LINGO2: variants seen among roughly 807,000 people sequenced by gnomAD.
The protein encoded by LINGO2 is leucine rich repeat and Ig domain containing 2.
In LINGO2, 14 loss-of-function variants were observed where a neutral mutation model predicts 30.6. That is an observed-to-expected ratio of 0.46 (90% CI 0.30 to 0.72). The LOEUF (loss-of-function observed/expected upper bound fraction) is 0.72. Among genes scored for constraint, LINGO2 ranks in the 30% least tolerant of loss-of-function variants. The probability of loss-of-function intolerance (pLI) is 0.07; values close to 1 mark genes in which losing one functional copy is unlikely to be tolerated. For synonymous variants in LINGO2, 317 were observed against 288.5 expected (o/e 1.10, Z -1.00); for missense variants, 729 against 751.7 (o/e 0.97, Z 0.35).
the LINGO2 span, among the ~76,000 whole-genome samples, chr9:28,944,146 T>A: frequency 6.6e-6 from 1 of 152,180 alleles, no homozygotes; most frequent in Non-Finnish European, 1.5e-5. Context: ...GACAGTTATC[T>A]TTGTCTGTAT....
intron 4 of LINGO2, among the ~76,000 whole-genome samples, chr9:28,198,438 A>G (rs1210787773): frequency 1.3e-5 from 2 of 152,194 alleles, no homozygotes; most frequent in Non-Finnish European, 2.9e-5. Context: ...TGGCAACAGA[A>G]GCCAATTTAC....
chr9:28,408,633 G>A (rs1408199943), intron 2 of LINGO2, among the ~76,000 whole-genome samples: 2 of 145,652 alleles, frequency 1.4e-5, no homozygotes, highest in South Asian at 4.7e-4. Context: ...GGTGGGGGGA[G>A]GGGGAGGGAT....
chr9:28,162,795 T>A (rs1024589069), intron 4 of LINGO2, among the ~76,000 whole-genome samples: 1 of 152,134 alleles, frequency 6.6e-6, no homozygotes, highest in Non-Finnish European at 1.5e-5. Flanking sequence ...TACATGGGAC[T>A]TAACTTGGAC....
intron 1 of LINGO2, among the ~76,000 whole-genome samples, chr9:28,559,498 G>A (rs1406377069): frequency 6.6e-6 from 1 of 152,048 alleles, no homozygotes; most frequent in Non-Finnish European, 1.5e-5. Context: ...CTTGTAGTAT[G>A]CTCTTCCAAC....
At position 28,070,428 on chromosome 9, in the gene LINGO2, C is replaced by T. The variant is rs150485285; in HGVS notation, c.-86-58023G>A. ...AAACCAAAAAACAAATCCCAACACA[C>T]ATAAACATACATGTGCAAATAATCA... is the stretch of plus-strand genomic sequence containing the variant. On this transcript the variant is annotated intron_variant, in intron 4 of 5. Coordinates refer to ENST00000379992, the Ensembl canonical transcript of LINGO2. Among the ~76,000 whole-genome samples the T allele has an allele frequency of 2.2e-3, 333 of 152,276 alleles. 7 individuals carry two copies. The South Asian group carries it at 0.045, about 20-fold the overall frequency.
intron 4 of LINGO2, among the ~76,000 whole-genome samples, chr9:28,291,763 A>T (rs951272215): frequency 1.3e-5 from 2 of 152,194 alleles, no homozygotes; most frequent in African/African-American, 2.4e-5. Flanking sequence ...GAGAGAGAGA[A>T]TGTGGCAGAA....
intron 2 of LINGO2, among the ~76,000 whole-genome samples, chr9:28,432,172 C>T (rs1014694962): frequency 6.6e-6 from 1 of 151,992 alleles, no homozygotes; most frequent in Non-Finnish European, 1.5e-5. Flanking sequence ...ATTATTTAGG[C>T]CTTTACTGTT....
intron 3 of LINGO2, among the ~76,000 whole-genome samples, chr9:28,362,530 G>T (rs1820491444): frequency 6.6e-6 from 1 of 151,742 alleles, no homozygotes. Flanking sequence ...GAGTGCAATG[G>T]CGTGATCTCA....
At chr9:27,988,651 T>C (rs993749517) in intron 5 of LINGO2, among the ~76,000 whole-genome samples, 1 of 151,824 alleles carries the variant, frequency 6.6e-6, no homozygotes, top group Non-Finnish European at 1.5e-5. Flanking sequence ...TTCTTTTGAG[T>C]AGTGTCTGTT....
At chr9:28,816,191 A>T in the LINGO2 span, among the ~76,000 whole-genome samples, 1 of 152,208 alleles carries the variant, frequency 6.6e-6, no homozygotes, top group African/African-American at 2.4e-5. Context: ...ACCTTTTTAA[A>T]GTCCCACCTC....
intron 1 of LINGO2, among the ~76,000 whole-genome samples, chr9:28,514,326 A>AT (rs1820532878): frequency 6.6e-6 from 1 of 152,236 alleles, no homozygotes; most frequent in African/African-American, 2.4e-5. Context: ...ACTAAAAATG[A>AT]TTAAGCTTAA....
the LINGO2 span, among the ~76,000 whole-genome samples, chr9:29,016,507 A>G: frequency 6.6e-6 from 1 of 152,218 alleles, no homozygotes; most frequent in African/African-American, 2.4e-5. Context: ...TTATGAAAAT[A>G]AAAGACATAA....
At chr9:28,057,191 A>T (rs1307959421) in intron 4 of LINGO2, among the ~76,000 whole-genome samples, 1 of 151,874 alleles carries the variant, frequency 6.6e-6, no homozygotes, top group East Asian at 1.9e-4. Flanking sequence ...TGGCTACACT[A>T]TTTTTTTCTG....
At position 28,413,620 on chromosome 9, in the gene LINGO2, C is replaced by T. The variant is rs369880427; in HGVS notation, c.-278-40752G>A. 1.1e-4 allele frequency among the ~76,000 whole-genome samples: 16 copies of T among 152,082 alleles called. No homozygotes were observed. In the South Asian group the frequency reaches 3.3e-3, roughly 32 times the overall value. ...ACTGTCATCTTCTTGGCACAGGGTA[C>T]CACAATGGCTTTCCAGCTGTGCTCC... On this transcript the variant is annotated intron_variant, in intron 2 of 5. Coordinates refer to ENST00000379992, the Ensembl canonical transcript of LINGO2.
chr9:28,997,994 G>A, the LINGO2 span, among the ~76,000 whole-genome samples: 1 of 152,110 alleles, frequency 6.6e-6, no homozygotes, highest in African/African-American at 2.4e-5. Context: ...CTTTACAAGA[G>A]AGTAAAGTAA....
chr9:29,121,426 C>T, the LINGO2 span, among the ~76,000 whole-genome samples: 1 of 151,942 alleles, frequency 6.6e-6, no homozygotes, highest in Admixed American at 6.6e-5. Context: ...TCTCATTATC[C>T]AAGCAGATAA....
At chr9:28,529,512 C>T (rs1042967724) in intron 1 of LINGO2, among the ~76,000 whole-genome samples, 1 of 151,802 alleles carries the variant, frequency 6.6e-6, no homozygotes, top group African/African-American at 2.4e-5. Flanking sequence ...GGTAGATAGA[C>T]CTAATTGGAA....
the LINGO2 span, among the ~76,000 whole-genome samples, chr9:28,848,297 A>AC: frequency 0.048 from 5,840 of 121,988 alleles, 839 homozygotes; most frequent in African/African-American, 0.2. Context: ...GCATATATAT[A>AC]TACTATATAT....
Position 27,974,233 on chromosome 9 carries a change from C to T in LINGO2, c.-35-23527G>A, listed in dbSNP as rs142248488. Among the ~76,000 whole-genome samples the T allele has an allele frequency of 1.9e-3, 291 of 152,226 alleles. 3 individuals are homozygous for T. The highest frequency in any genetic ancestry group is 6.7e-3 in the African/African-American group (277 of 41,558). ...ATTACATGCTGTCATGTTAGGGGTT[C>T]AGGAGAGATGTTACCTCAAGCTGCA... On this transcript the variant is annotated intron_variant, in intron 5 of 5. Coordinates refer to ENST00000379992, the Ensembl canonical transcript of LINGO2.
Sources: gnomAD v4.1 joint callset for allele counts (sites outside exome capture counted in the v4.1 genomes callset) on GRCh38, gnomAD v4.1.1 for gene constraint, MANE v1.5 for transcripts, NCBI Gene and HGNC (gene_info 2026-07-23, HGNC 2026-07-21) for gene names.